The following RTKN variants were observed in gnomAD, a reference collection of about 807,000 sequenced individuals.
The protein encoded by RTKN is rhotekin.
A neutral mutation model predicts 63.5 loss-of-function variants in RTKN; 49 were observed. That is an observed-to-expected ratio of 0.77 (90% CI 0.61 to 0.98). RTKN has a LOEUF of 0.98. Among genes scored for constraint, RTKN ranks in the 50% least tolerant of loss-of-function variants. The pLI, the probability that RTKN is intolerant of heterozygous loss-of-function variation, is 0.00. For missense variants in RTKN, 685 were observed against 740.8 expected (o/e 0.92, Z 0.87); for synonymous variants, 295 against 290.4 (o/e 1.02, Z -0.16).
At chr2:74,435,443 AG>A (rs1044091189) in intron 1 of RTKN, among the ~76,000 whole-genome samples, 1 of 152,320 alleles carries the variant, frequency 6.6e-6, no homozygotes, top group Non-Finnish European at 1.5e-5. Flanking sequence ...CTTTGGTGGT[AG>A]CAGCATTTAC....
intron 1 of RTKN, among the ~76,000 whole-genome samples, chr2:74,434,349 C>T (rs1297285408): frequency 2.7e-5 from 4 of 149,940 alleles, no homozygotes; most frequent in African/African-American, 9.9e-5. Flanking sequence ...GGCATGATCT[C>T]GGCTCACTGC....
chr2:74,430,973 A>G, intron 2 of RTKN: 1 of 418,672 alleles, frequency 2.4e-6, no homozygotes, highest in African/African-American at 2.0e-5. Flanking sequence ...TGCCAAGGAC[A>G]GGTGCAGCCT....
At chr2:74,434,436 C>T (rs559990695) in intron 1 of RTKN, among the ~76,000 whole-genome samples, 1 of 152,104 alleles carries the variant, frequency 6.6e-6, no homozygotes, top group Non-Finnish European at 1.5e-5. Flanking sequence ...TGAGCCACCA[C>T]ACCCAGCTAA....
Position 74,429,845 on chromosome 2 carries a change from G to T in RTKN, c.738C>A (p.Leu246=), listed in dbSNP as rs139676001. Residue 246 remains leucine, a synonymous_variant, in exon 6 of 12, where the codon CTC becomes CTA. Transcript: ENST00000272430. ...GGCCTTACCCAACAACTGGGGTGGGGAGCAAGATGGGACTGCTCCCTGAAC... is the reference window on the plus strand; with the variant it reads ...GGCCTTACCCAACAACTGGGGTGGGTAGCAAGATGGGACTGCTCCCTGAAC... ...AGGSGSSPIL[L]PTPVVGGPRY... The T allele has an allele frequency of 2.5e-6, 4 of 1,613,892 alleles. No homozygotes were observed. Among genetic ancestry groups the T allele is most frequent in the Non-Finnish European group, 3.4e-6 (4 of 1,179,958 alleles).
At chr2:74,433,059 C>T (rs1233881119) in intron 1 of RTKN, among the ~76,000 whole-genome samples, 1 of 151,946 alleles carries the variant, frequency 6.6e-6, no homozygotes, top group Non-Finnish European at 1.5e-5. Flanking sequence ...CCGGCTAACA[C>T]GGTGAAACCC....
At chr2:74,426,803 G>T in intron 11 of RTKN, 1 of 1,355,550 alleles carries the variant, frequency 7.4e-7, no homozygotes, top group Non-Finnish European at 9.4e-7. Context: ...GGGAAGGGGA[G>T]GAGTGGGGAG....
Position 74,429,937 on chromosome 2 carries a change from T to C in RTKN, c.646A>G (p.Lys216Glu). 6.2e-7 allele frequency: 1 copy of C among 1,614,170 alleles called. No homozygotes were observed. Among genetic ancestry groups the C allele is most frequent in the Non-Finnish European group, 8.5e-7 (1 of 1,180,006 alleles). ...GAGCGGCCCAGGGAGCTGCTGAGTT[T>C]GGTGGCAAGCCTCTTGGGGCCGCCA... is the stretch of plus-strand genomic sequence containing the variant. ...LTGGPKRLAT[K>E]LSSSLGRSSG... is the part of the protein sequence containing the mutation. The change falls in exon 6 of 12, where the codon AAA becomes GAA. Residue 216 changes from lysine to glutamate, a missense_variant. Physicochemically the swap from Lys to Glu is moderately conservative, Grantham distance 56. Transcript: ENST00000272430.
At chr2:74,430,075 T>A in intron 5 of RTKN, 38 bp from the exon 6 acceptor site, 1 of 1,610,092 alleles carries the variant, frequency 6.2e-7, no homozygotes, top group Non-Finnish European at 8.5e-7. Flanking sequence ...CACAGGAAAG[T>A]CCAGGGAGGC....
In RTKN at chr2:74,436,080, C is replaced by T. The variant is rs1269675959; in HGVS notation, c.112-3414G>A. Among the ~76,000 whole-genome samples the T allele has an allele frequency of 6.6e-6, 1 of 152,258 alleles. No homozygotes were observed. The highest frequency in any genetic ancestry group is 1.5e-5 in the Non-Finnish European group (1 of 68,048). ...GCCCGACAACCCCCACCCCAGTCTG[C>T]ACCCAGCTTCAGCCACAAACATCCC... On this transcript the variant is annotated intron_variant, in intron 1 of 11. Transcript: ENST00000272430. The surrounding 1 kb of genome is among the most constrained non-coding windows in gnomAD (Gnocchi z 4.3).
Position 74,430,639 on chromosome 2 carries a change from C to G in RTKN, c.350G>C (p.Cys117Ser). 6.2e-7 allele frequency: 1 copy of G among 1,613,710 alleles called. No individual in the cohort carries two copies. The highest frequency in any genetic ancestry group is 8.5e-7 in the Non-Finnish European group (1 of 1,179,982). ...ACCAGAGATGCAGACCCGGCCGCGGCAGGGGGAGCGCTCAGCGGGCGGGCC... is the reference window on the plus strand; with the variant it reads ...ACCAGAGATGCAGACCCGGCCGCGGGAGGGGGAGCGCTCAGCGGGCGGGCC... ...DSGPPAERSPCRGRVCISDLR... is the reference protein window; with the variant it reads ...DSGPPAERSPSRGRVCISDLR... The change falls in exon 3 of 12, where the codon TGC becomes TCC. Residue 117 changes from cysteine (C) to serine (S), a missense_variant. By Grantham distance (112) the Cys-to-Ser change is moderately radical (BLOSUM62 -1). Transcript: ENST00000272430.
rs377119915 is a variant in RTKN at position 74,432,676 on chromosome 2, G to A, written c.112-10C>T. On this transcript the variant is annotated splice_polypyrimidine_tract_variant and intron_variant, in intron 1 of 11. Coordinates refer to ENST00000272430, the MANE Select transcript of RTKN (RefSeq NM_001015055.2). The stretch of plus-strand genomic sequence containing the variant: ...TCTGCAACTCCGTGTCCTAGCCAGG[G>A]TTGGGGGAAGGGTGAGAAGGAAATG... 1 of 1,613,664 alleles carries A rather than the reference G, an allele frequency of 6.2e-7. No homozygotes were observed.
chr2:74,435,786 C>A (rs1671020946), intron 1 of RTKN, among the ~76,000 whole-genome samples: 1 of 152,228 alleles, frequency 6.6e-6, no homozygotes, highest in African/African-American at 2.4e-5. Flanking sequence ...TTGCATCTGT[C>A]CCTAGTGGCT....
In RTKN at chr2:74,436,840, T is replaced by C. The variant is rs562642489; in HGVS notation, c.112-4174A>G. Among the ~76,000 whole-genome samples, 2 of 152,264 alleles carry C rather than the reference T, an allele frequency of 1.3e-5. No homozygotes were observed. Among genetic ancestry groups the C allele is most frequent in the Admixed American group, 6.5e-5 (1 of 15,300 alleles). On this transcript the variant is annotated intron_variant, in intron 1 of 11. Coordinates refer to ENST00000272430, the MANE Select transcript of RTKN (RefSeq NM_001015055.2). The surrounding 1 kb of genome is among the most constrained non-coding windows in gnomAD (Gnocchi z 4.3). ...CTCAGGATCTGGACCCTTGTGCTTC[T>C]AGCGTTTCCCCAACCCAGGGATAGT...
chr2:74,431,609 C>G (rs554432858), intron 2 of RTKN: 1 of 152,492 alleles, frequency 6.6e-6, no homozygotes, highest in South Asian at 2.1e-4. Flanking sequence ...TGTCCCCCCA[C>G]CAGCTTGCCC....
chr2:74,439,726 T>C, intron 1 of RTKN: 1 of 1,553,316 alleles, frequency 6.4e-7, no homozygotes, highest in Non-Finnish European at 8.7e-7. Context: ...CCCTCAGTCT[T>C]TAAAGAGGTG....
intron 1 of RTKN, chr2:74,440,475 A>G: frequency 2.0e-6 from 2 of 986,542 alleles, no homozygotes; most frequent in Admixed American, 6.1e-5. Flanking sequence ...CCCGATTCCG[A>G]GCCAGCTGCA....
intron 2 of RTKN, chr2:74,432,019 T>C (rs1026212627): frequency 3.4e-6 from 1 of 296,328 alleles, no homozygotes; most frequent in African/African-American, 2.2e-5. Context: ...TGGGTAGGCT[T>C]TCCTTAAGTG....
In RTKN at chr2:74,426,334, G is replaced by C; in HGVS notation, c.1601C>G (p.Ser534Trp). ...VPPDHSPRAR[S>W]VAPLPPQRSP... Reference sequence around the variant, plus strand: ...TCGCTGAGGTGGGAGGGGGGCAACCGAGCGAGCCCTAGGGGAGTGGTCTGG... The same window carrying C: ...TCGCTGAGGTGGGAGGGGGGCAACCCAGCGAGCCCTAGGGGAGTGGTCTGG... The change falls in exon 12 of 12, where the codon TCG becomes TGG. Residue 534 changes from serine (S) to tryptophan (W), a missense_variant. Physicochemically the swap from Ser to Trp is radical, Grantham distance 177. Transcript: ENST00000272430. The C allele has an allele frequency of 6.2e-7, 1 of 1,613,372 alleles. No homozygotes were observed. Among genetic ancestry groups the C allele is most frequent in the Non-Finnish European group, 8.5e-7 (1 of 1,179,576 alleles).
chr2:74,427,744 C>CA, intron 9 of RTKN, 152 bp from the exon 10 acceptor site: 2 of 739,720 alleles, frequency 2.7e-6, no homozygotes, highest in South Asian at 3.9e-5. Context: ...GAAGGAATGG[C>CA]AAAAAAGGGC....
Sources: gnomAD v4.1 joint callset for allele counts (sites outside exome capture counted in the v4.1 genomes callset) on GRCh38, gnomAD v4.1.1 for gene constraint, Gnocchi (gnomAD v3.1) non-coding constraint, MANE v1.5 for transcripts, NCBI Gene and HGNC (gene_info 2026-07-23, HGNC 2026-07-21) for gene names.